GLYR1: variants seen among roughly 807,000 people sequenced by gnomAD.
GLYR1 encodes cytokine-like nuclear factor N-PAC.
A neutral mutation model predicts 72.7 loss-of-function variants in GLYR1; 21 were observed. The ratio of observed to expected loss-of-function variants is 0.29; its 90% confidence interval spans 0.20 to 0.42. GLYR1 has a LOEUF of 0.42. Ranked by LOEUF, GLYR1 falls within the 10% of genes least tolerant of loss-of-function variation. GLYR1 has a pLI of 1.00. For synonymous variants in GLYR1, 392 were observed against 270.2 expected (o/e 1.45, Z -4.42); for missense variants, 594 against 712.1 (o/e 0.83, Z 1.89).
Position 4,821,409 on chromosome 16 carries a change from C to A in GLYR1, c.777G>T (p.Val259=). The A allele has an allele frequency of 6.2e-7, 1 of 1,613,520 alleles. No homozygotes were observed. The highest frequency in any genetic ancestry group is 8.5e-7 in the Non-Finnish European group (1 of 1,180,044). The change falls in exon 9 of 16, where the codon GTG becomes GTT. Residue 259 remains valine (V), a synonymous_variant. Coordinates refer to ENST00000321919, the MANE Select transcript of GLYR1 (RefSeq NM_032569.4). ...TGTCTGTGGGTGTGATGCTGCCATT[C>A]ACGGCTGTGCTGTCAGCTGCCTGGA... ...TSIQAADSTA[V]NGSITPTDKK... is the part of the protein sequence containing the mutation.
chr16:4,819,153 T>A (rs907662161), intron 9 of GLYR1, among the ~76,000 whole-genome samples: 1 of 152,126 alleles, frequency 6.6e-6, no homozygotes, highest in Non-Finnish European at 1.5e-5. Flanking sequence ...GTTCTTGTTT[T>A]TATAGTTTTT....
At chr16:4,821,774 C>G (rs1199352973) in intron 7 of GLYR1, 177 bp from the exon 8 acceptor site, 10 of 634,144 alleles carry the variant, frequency 1.6e-5, no homozygotes, top group Non-Finnish European at 2.5e-5. Context: ...CATTCAAGTC[C>G]CCATGCAATT....
chr16:4,830,742 G>A (rs890449459), intron 5 of GLYR1, among the ~76,000 whole-genome samples: 4 of 152,122 alleles, frequency 2.6e-5, no homozygotes, highest in Non-Finnish European at 5.9e-5. Context: ...GGCCTTGTAA[G>A]ACCGGCCCCA....
At chr16:4,823,985 G>A (rs2084216993) in intron 5 of GLYR1, 78 bp from the exon 6 acceptor site, 4 of 1,223,170 alleles carry the variant, frequency 3.3e-6, no homozygotes, top group Non-Finnish European at 4.8e-6. Context: ...ACAGTCTAAG[G>A]GAAAGTTCAA....
intron 10 of GLYR1, among the ~76,000 whole-genome samples, chr16:4,817,125 A>ATT (rs1203306681): frequency 7.8e-6 from 1 of 128,068 alleles, no homozygotes; most frequent in African/African-American, 2.9e-5. Context: ...TGTATTTTCT[A>ATT]TTTTTTTTTT....
intron 5 of GLYR1, among the ~76,000 whole-genome samples, chr16:4,829,181 A>G (rs1347278311): frequency 3.9e-5 from 6 of 152,108 alleles, no homozygotes; most frequent in Admixed American, 2.0e-4. Context: ...TAACAGTGAG[A>G]AGGGCTGTCT....
chr16:4,831,955 G>T (rs778671266), intron 5 of GLYR1, 24 bp downstream of exon 5: 1 of 1,607,124 alleles, frequency 6.2e-7, no homozygotes, highest in South Asian at 1.1e-5. Flanking sequence ...CACTAATCCC[G>T]GAAGCTGCAG....
chr16:4,824,091 AAAT>A (rs753354095), intron 5 of GLYR1, among the ~76,000 whole-genome samples, 184 bp from the exon 6 acceptor site: 1 of 152,210 alleles, frequency 6.6e-6, no homozygotes, highest in Non-Finnish European at 1.5e-5. Flanking sequence ...TCAATTCTGG[AAAT>A]AATAAAATGT....
At chr16:4,821,295 C>G in intron 9 of GLYR1, 85 bp downstream of exon 9, 2 of 1,365,356 alleles carry the variant, frequency 1.5e-6, no homozygotes, top group African/African-American at 1.4e-5. Context: ...TGGGACACAA[C>G]CCTTAAAGAA....
At chr16:4,843,171 T>C (rs367842872) in intron 3 of GLYR1, among the ~76,000 whole-genome samples, 1 of 152,214 alleles carries the variant, frequency 6.6e-6, no homozygotes, top group East Asian at 1.9e-4. Context: ...TTCCTGTTTT[T>C]CTTTTTCTTT....
At chr16:4,842,152 G>A (rs1019060851) in intron 3 of GLYR1, among the ~76,000 whole-genome samples, 1 of 151,706 alleles carries the variant, frequency 6.6e-6, no homozygotes, top group Admixed American at 6.6e-5. Context: ...GCTGAGGCAG[G>A]AGAATGGCAT....
At chr16:4,843,518 C>G in intron 3 of GLYR1, 1 of 1,284,340 alleles carries the variant, frequency 7.8e-7, no homozygotes, top group Non-Finnish European at 1.0e-6. Flanking sequence ...TCTGGCTCCA[C>G]AGCTCCAGGC....
chr16:4,838,687 C>T (rs746874913), intron 3 of GLYR1, among the ~76,000 whole-genome samples: 6 of 151,768 alleles, frequency 4.0e-5, no homozygotes, highest in African/African-American at 1.2e-4. Context: ...CTGGGGTTCA[C>T]GCCATTCTCC....
At chr16:4,830,461 C>G (rs1391755059) in intron 5 of GLYR1, among the ~76,000 whole-genome samples, 4 of 152,166 alleles carry the variant, frequency 2.6e-5, no homozygotes, top group African/African-American at 9.7e-5. Flanking sequence ...ATGGCCAGCC[C>G]TGCTGCTCTG....
intron 5 of GLYR1, among the ~76,000 whole-genome samples, chr16:4,826,499 C>T (rs2084387453): frequency 6.6e-6 from 1 of 152,214 alleles, no homozygotes; most frequent in African/African-American, 2.4e-5. Context: ...ACAACCCATG[C>T]TGCCATACAG....
intron 5 of GLYR1, among the ~76,000 whole-genome samples, chr16:4,831,023 T>A (rs1358793260): frequency 1.3e-5 from 2 of 152,186 alleles, no homozygotes; most frequent in Non-Finnish European, 2.9e-5. Context: ...TTCTTGACAT[T>A]CCAAACAGAA....
rs1023305499 is a variant in GLYR1, at chr16:4,833,036, C to T, written c.156-124G>A. On this transcript the variant is annotated intron_variant, in intron 3 of 15. Transcript: ENST00000321919. ...TAACTGGACTTTGCAATAGGCCTTG[C>T]CATTTCTTTCAAAACATGCTATCAA... 6.2e-6 allele frequency: 5 copies of T among 810,074 alleles called. No individual in the cohort carries two copies. In the African/African-American group the frequency reaches 7.1e-5, roughly 11 times the overall value. 50.2% of individuals were successfully genotyped at this position (810,074 alleles called of 1,614,324 possible). A position where few individuals can be genotyped will look rare whatever the true frequency, so the allele number is the denominator to read the frequency against.
At chr16:4,813,882 A>G in intron 11 of GLYR1, 44 bp from the exon 12 acceptor site, 1 of 1,499,844 alleles carries the variant, frequency 6.7e-7, no homozygotes, top group Non-Finnish European at 9.1e-7. Context: ...GCTCCCGGGC[A>G]GATGCTCAGG....
chr16:4,808,296 G>T (rs1465951427), intron 15 of GLYR1, among the ~76,000 whole-genome samples: 2 of 151,276 alleles, frequency 1.3e-5, no homozygotes, highest in African/African-American at 4.9e-5. Flanking sequence ...GAAAAGCCAG[G>T]TGTCAAAAGA....
Sources: allele counts gnomAD v4.1 joint callset (sites outside exome capture counted in the v4.1 genomes callset), GRCh38; gene constraint gnomAD v4.1.1; transcripts MANE v1.5; gene names NCBI Gene and HGNC (gene_info 2026-07-23, HGNC 2026-07-21).